Variants in NFATC1 observed in about 807,000 individuals in gnomAD.
The protein encoded by NFATC1 is nuclear factor of activated T-cells, cytoplasmic 1.
In NFATC1, 22 loss-of-function variants were observed where a neutral mutation model predicts 76.0. The observed-to-expected ratio is 0.29, with a 90% CI of 0.21 to 0.41. NFATC1 has a LOEUF of 0.41. Ranked by LOEUF, NFATC1 falls within the 10% of genes least tolerant of loss-of-function variation. NFATC1 has a pLI of 1.00. For synonymous variants in NFATC1, 704 were observed against 613.1 expected, an observed-to-expected ratio of 1.15 and a Z score of -2.19; for missense variants, 1,357 against 1,337.7, an observed-to-expected ratio of 1.01 and a Z score of -0.23.
intron 2 of NFATC1, among the ~76,000 whole-genome samples, chr18:79,418,309 G>A (rs557769610): frequency 6.6e-6 from 1 of 152,314 alleles, no homozygotes; most frequent in Non-Finnish European, 1.5e-5. Context: ...CGCAGCTGAG[G>A]CCATTTGTCC....
At chr18:79,490,669 G>A (rs111626441) in intron 9 of NFATC1, among the ~76,000 whole-genome samples, 10,388 of 152,222 alleles carry the variant, frequency 0.068, 492 homozygotes, top group Admixed American at 0.1. Flanking sequence ...AGAATGACAC[G>A]GGCCGAGCCG....
chr18:79,487,682 T>C (rs1490165515), intron 9 of NFATC1, among the ~76,000 whole-genome samples: 2 of 152,200 alleles, frequency 1.3e-5, no homozygotes, highest in African/African-American at 2.4e-5. Context: ...GGCGTTCTTC[T>C]CGACTGTTTA....
chr18:79,401,499 A>C (rs1235828940), intron 1 of NFATC1, among the ~76,000 whole-genome samples: 1 of 152,186 alleles, frequency 6.6e-6, no homozygotes. Context: ...AGTGGGAGCC[A>C]AGGCAGATGA....
At chr18:79,491,275 A>G (rs1047546895) in intron 9 of NFATC1, among the ~76,000 whole-genome samples, 2 of 152,162 alleles carry the variant, frequency 1.3e-5, no homozygotes, top group Non-Finnish European at 2.9e-5. Context: ...AAGAATAGGA[A>G]GCACAGGGCG....
intron 7 of NFATC1, among the ~76,000 whole-genome samples, chr18:79,464,677 T>TATACACAC (rs1491232366): frequency 1.5e-4 from 18 of 116,922 alleles, no homozygotes; most frequent in African/African-American, 5.5e-4. Flanking sequence ...TGTGTATATG[T>TATACACAC]ATGTGTATAT....
intron 1 of NFATC1, chr18:79,400,374 G>GCCCCGT (rs2085157602): frequency 6.8e-7 from 1 of 1,474,860 alleles, no homozygotes; most frequent in Non-Finnish European, 9.0e-7. Context: ...TCCCGCCCCG[G>GCCCCGT]CCCCGGCCCG....
intron 8 of NFATC1, among the ~76,000 whole-genome samples, chr18:79,473,581 T>A (rs543071840): frequency 1.4e-5 from 2 of 147,814 alleles, no homozygotes; most frequent in Non-Finnish European, 3.0e-5. Flanking sequence ...GCGCTCACTG[T>A]CGACGTTGTA....
chr18:79,510,945 G>A (rs1019663569), intron 9 of NFATC1, among the ~76,000 whole-genome samples: 18 of 152,322 alleles, frequency 1.2e-4, no homozygotes, highest in African/African-American at 4.3e-4. Context: ...CCTGCTCCGG[G>A]GCATCGTTCG....
intron 3 of NFATC1, among the ~76,000 whole-genome samples, chr18:79,444,903 C>T (rs1458364830): frequency 2.0e-5 from 3 of 152,252 alleles, no homozygotes; most frequent in African/African-American, 7.2e-5. Flanking sequence ...GTGGCTGTCT[C>T]TTGGTGGCTT....
At chr18:79,460,497 G>C (rs1314863938) in intron 6 of NFATC1, among the ~76,000 whole-genome samples, 1 of 152,198 alleles carries the variant, frequency 6.6e-6, no homozygotes, top group African/African-American at 2.4e-5. Flanking sequence ...TGCGCCTGGA[G>C]CCCCCACTCT....
At chr18:79,428,251 G>A (rs894693601) in intron 2 of NFATC1, among the ~76,000 whole-genome samples, 1 of 152,204 alleles carries the variant, frequency 6.6e-6, no homozygotes, top group Non-Finnish European at 1.5e-5. Context: ...AAGTTTTACC[G>A]CTGCTGGTTT....
intron 2 of NFATC1, among the ~76,000 whole-genome samples, chr18:79,426,317 C>T (rs886681057): frequency 6.6e-5 from 10 of 151,950 alleles, no homozygotes; most frequent in African/African-American, 2.4e-4. Flanking sequence ...AAATCCCTCA[C>T]GCCCTTCCCA....
chr18:79,485,534 T>C (rs1265895289), intron 8 of NFATC1, among the ~76,000 whole-genome samples: 1 of 151,184 alleles, frequency 6.6e-6, no homozygotes, highest in Non-Finnish European at 1.5e-5. Flanking sequence ...GTGTCGGCTC[T>C]GGCCCGGGCC....
intron 7 of NFATC1, among the ~76,000 whole-genome samples, chr18:79,464,234 C>T (rs572894909): frequency 4.6e-5 from 7 of 152,164 alleles, no homozygotes; most frequent in Non-Finnish European, 7.4e-5. Flanking sequence ...GGACTACAGG[C>T]GCCGGCCACT....
intron 9 of NFATC1, among the ~76,000 whole-genome samples, chr18:79,514,024 G>A (rs2090322446): frequency 1.3e-5 from 2 of 152,224 alleles, no homozygotes; most frequent in South Asian, 2.1e-4. Context: ...GTGGACGTGC[G>A]TGGGGCAGAG....
intron 9 of NFATC1, among the ~76,000 whole-genome samples, chr18:79,522,519 C>T (rs1168812864): frequency 1.9e-5 from 2 of 103,168 alleles, no homozygotes; most frequent in Non-Finnish European, 3.7e-5. Flanking sequence ...GGGGGGGGTG[C>T]GTCCACTGAT....
intron 7 of NFATC1, among the ~76,000 whole-genome samples, chr18:79,463,160 T>G (rs1328011074): frequency 6.6e-6 from 1 of 152,220 alleles, no homozygotes; most frequent in Non-Finnish European, 1.5e-5. Context: ...CTGGGTGAAG[T>G]GAGCTCACCT....
intron 9 of NFATC1, among the ~76,000 whole-genome samples, chr18:79,492,347 G>C (rs1395274309): frequency 6.6e-6 from 1 of 152,186 alleles, no homozygotes; most frequent in Non-Finnish European, 1.5e-5. Context: ...TGGATCACCT[G>C]AGGTCAGGAG....
chr18:79,401,479 C>G (rs1218593827), intron 1 of NFATC1, among the ~76,000 whole-genome samples: 1 of 152,214 alleles, frequency 6.6e-6, no homozygotes, highest in African/African-American at 2.4e-5. Context: ...GGTTCTAGGT[C>G]TTTGGGGTCA....
Sources: gnomAD v4.1 joint callset for allele counts (sites outside exome capture counted in the v4.1 genomes callset) on GRCh38, gnomAD v4.1.1 for gene constraint, MANE v1.5 for transcripts, NCBI Gene and HGNC (gene_info 2026-07-23, HGNC 2026-07-21) for gene names.